SYTL2: variants seen among roughly 807,000 people sequenced by gnomAD.
SYTL2 encodes synaptotagmin-like protein 2.
Under a neutral mutation model 198.7 loss-of-function variants are expected in SYTL2, and 165 were observed. The observed-to-expected ratio is 0.83, with a 90% CI of 0.73 to 0.94. The LOEUF (loss-of-function observed/expected upper bound fraction) is 0.94, where lower values mean the gene tolerates loss of function less well. Among genes scored for constraint, SYTL2 ranks in the 40% least tolerant of loss-of-function variants. The pLI, the probability that SYTL2 is intolerant of heterozygous loss-of-function variation, is 0.00. For synonymous variants in SYTL2, 966 were observed against 917.7 expected, an observed-to-expected ratio of 1.05 and a Z score of -0.95; for missense variants, 2,835 against 2,582.8, an observed-to-expected ratio of 1.10 and a Z score of -2.12.
At chr11:85,853,235 G>T in the SYTL2 span, 3 of 426,442 alleles carry the variant, frequency 7.0e-6, no homozygotes, top group Non-Finnish European at 1.4e-5. Context: ...GAAATGTGGG[G>T]AAAAGATAGA....
At chr11:85,718,986 A>G (rs1047086843) in intron 9 of SYTL2, 143 bp from the exon 10 acceptor site, 7 of 1,533,680 alleles carry the variant, frequency 4.6e-6, no homozygotes, top group Non-Finnish European at 5.2e-6. Flanking sequence ...CTTCCCCAAA[A>G]TACTTTCTCT....
chr11:85,771,671 T>C (rs1043296629), intron 1 of SYTL2, among the ~76,000 whole-genome samples: 1 of 152,140 alleles, frequency 6.6e-6, no homozygotes, highest in African/African-American at 2.4e-5. Context: ...GGCAGTGTCA[T>C]GAAGGAAAAA....
At chr11:85,728,314 T>C (rs1369714779) in intron 7 of SYTL2, among the ~76,000 whole-genome samples, 1 of 152,122 alleles carries the variant, frequency 6.6e-6, no homozygotes, top group African/African-American at 2.4e-5. Flanking sequence ...TGAGATGGAG[T>C]CTCGCTCTGT....
intron 2 of SYTL2, among the ~76,000 whole-genome samples, chr11:85,755,603 A>G (rs1380681079): frequency 6.6e-6 from 1 of 152,072 alleles, no homozygotes; most frequent in Non-Finnish European, 1.5e-5. Flanking sequence ...GAGGGTACAC[A>G]CTCACACCCC....
chr11:85,737,425 T>G (rs1245006594), intron 5 of SYTL2, 150 bp downstream of exon 5: 1 of 634,090 alleles, frequency 1.6e-6, no homozygotes, highest in African/African-American at 1.8e-5. Context: ...CTTCTTAAAC[T>G]AGTGACTTCT....
At chr11:85,746,476 A>G (rs1312091646) in intron 3 of SYTL2, among the ~76,000 whole-genome samples, 1 of 152,234 alleles carries the variant, frequency 6.6e-6, no homozygotes, top group Admixed American at 6.5e-5. Context: ...AGTTCTTTGC[A>G]TGCATTATTC....
At chr11:85,741,389 T>G (rs2090774486) in intron 4 of SYTL2, among the ~76,000 whole-genome samples, 1 of 152,232 alleles carries the variant, frequency 6.6e-6, no homozygotes, top group African/African-American at 2.4e-5. Flanking sequence ...AGTTCTCCAG[T>G]GTTCCCACTG....
chr11:85,711,066 G>C (rs1224136367), intron 13 of SYTL2, 47 bp downstream of exon 13: 2 of 1,602,214 alleles, frequency 1.2e-6, no homozygotes, highest in Non-Finnish European at 1.7e-6. Context: ...TCAGAGCAAG[G>C]TTCAGAGACG....
At chr11:85,839,929 C>T in the SYTL2 span, among the ~76,000 whole-genome samples, 3 of 152,216 alleles carry the variant, frequency 2.0e-5, no homozygotes, top group Non-Finnish European at 4.4e-5. Context: ...CATTTCTCCA[C>T]ATCCTCGCCA....
intron 1 of SYTL2, among the ~76,000 whole-genome samples, chr11:85,762,626 GTTC>G (rs915274926): frequency 1.8e-4 from 27 of 152,266 alleles, no homozygotes; most frequent in African/African-American, 6.5e-4. Context: ...AAATTTTCCA[GTTC>G]TTCTTGCCTT....
intron 15 of SYTL2, 130 bp from the exon 16 acceptor site, chr11:85,705,158 T>C: frequency 1.7e-6 from 1 of 591,234 alleles, no homozygotes; most frequent in East Asian, 2.8e-5. Context: ...GTCCCAAAAA[T>C]ATTGCAAAGT....
chr11:85,837,750 G>A, the SYTL2 span, among the ~76,000 whole-genome samples: 3 of 152,102 alleles, frequency 2.0e-5, no homozygotes, highest in Non-Finnish European at 2.9e-5. Flanking sequence ...CCTCAGAATG[G>A]AGCCTCTTGA....
At position 85,734,632 on chromosome 11, in the gene SYTL2, C is replaced by G; in HGVS notation, c.697G>C (p.Ala233Pro). 1.2e-6 allele frequency: 2 copies of G among 1,614,114 alleles called. No individual in the cohort carries two copies. The highest frequency in any genetic ancestry group is 1.7e-6 in the Non-Finnish European group (2 of 1,180,026). The change falls in exon 7 of 20, where the codon GCT becomes CCT. Residue 233 changes from alanine (A) to proline (P), a missense_variant. Physicochemically the swap from Ala to Pro is conservative, Grantham distance 27. This residue lies in a region of SYTL2 where 2,645 missense variants were observed against 2,381.7 expected (regional missense o/e 1.11). Coordinates refer to ENST00000359152, the MANE Select transcript of SYTL2 (RefSeq NM_206927.4). Reference sequence around the variant, plus strand: ...ATCTTCCTGGCTTTGGGGATTGGAGCCTTGATTTGGGACCCATTTGAAAGG... The same window carrying G: ...ATCTTCCTGGCTTTGGGGATTGGAGGCTTGATTTGGGACCCATTTGAAAGG... ...PGLSNGSQIK[A>P]PIPKARKMIY...
rs771908801 is a variant in SYTL2, at chr11:85,737,645, A to T, written c.401T>A (p.Val134Glu). ...ATCAATCACACTGGAAGCTGGATTT[A>T]CCACACTGGAACTGCAAAAGAAACA... ...AAPASPSSSV[V>E]NPASSVIDMS... The change falls in exon 5 of 20, where the codon GTA becomes GAA. Residue 134 changes from valine to glutamate, a missense_variant. Transcript: ENST00000359152. 15 of 1,613,326 alleles carry T rather than the reference A, an allele frequency of 9.3e-6. No homozygotes were observed. In the South Asian group the frequency reaches 1.6e-4, roughly 18 times the overall value.
In SYTL2 at chr11:85,734,758, C is replaced by T. The variant is rs1212656216; in HGVS notation, c.587-16G>A. 1.9e-6 allele frequency: 3 copies of T among 1,582,766 alleles called. No homozygotes were observed. The highest frequency in any genetic ancestry group is 1.7e-6 in the Non-Finnish European group (2 of 1,156,098). On this transcript the variant is annotated splice_polypyrimidine_tract_variant and intron_variant, in intron 6 of 19. Transcript: ENST00000359152. Reference sequence around the variant, plus strand: ...GACAATTCATCTGAAAATTAAAACACAGTAGGTGATATATCATATAGAGAG... The same window carrying T: ...GACAATTCATCTGAAAATTAAAACATAGTAGGTGATATATCATATAGAGAG...
At chr11:85,748,458 C>T (rs1441906003) in intron 2 of SYTL2, 35 bp from the exon 3 acceptor site, 1 of 1,608,758 alleles carries the variant, frequency 6.2e-7, no homozygotes, top group South Asian at 1.1e-5. Context: ...TTGCTGAGAA[C>T]CCACAGTAAA....
chr11:85,833,050 A>C, the SYTL2 span, among the ~76,000 whole-genome samples: 2 of 34,042 alleles, frequency 5.9e-5, no homozygotes, highest in African/African-American at 2.1e-4. Context: ...AAAGAAAGAA[A>C]GAAAGAAAGA....
At chr11:85,714,808 G>A in intron 11 of SYTL2, 1 of 562,412 alleles carries the variant, frequency 1.8e-6, no homozygotes, top group Non-Finnish European at 2.4e-6. Flanking sequence ...GTGTGAATTG[G>A]TTTAGCTTAT....
Position 85,695,054 on chromosome 11 carries a change from C to A in SYTL2, c.*141G>T, listed in dbSNP as rs2083228045. On this transcript the variant is annotated 3_prime_UTR_variant, in exon 20 of 20. Coordinates refer to ENST00000359152, the MANE Select transcript of SYTL2 (RefSeq NM_206927.4). Reference sequence around the variant, plus strand: ...GGCCTTGTAATCAAAGAAGCACATGCAGATTGACTTTTACATGCTGTGTAG... The same window carrying A: ...GGCCTTGTAATCAAAGAAGCACATGAAGATTGACTTTTACATGCTGTGTAG... 1.4e-6 allele frequency: 1 copy of A among 723,874 alleles called. No individual in the cohort carries two copies. The highest frequency in any genetic ancestry group is 3.0e-5 in the Admixed American group (1 of 33,458). 44.8% of individuals were successfully genotyped at this position (723,874 alleles called of 1,614,324 possible).
Sources: allele counts gnomAD v4.1 joint callset (sites outside exome capture counted in the v4.1 genomes callset), GRCh38; gene constraint gnomAD v4.1.1; regional missense constraint gnomAD v4.1.1; transcripts MANE v1.5; gene names NCBI Gene and HGNC (gene_info 2026-07-23, HGNC 2026-07-21).